Variants in CCDC85A observed in about 807,000 individuals in gnomAD.
CCDC85A encodes the protein coiled-coil domain containing 85A.
CCDC85A carries 38 observed loss-of-function variants against 50.2 expected under a neutral mutation model. That is an observed-to-expected ratio of 0.76 (90% CI 0.58 to 0.99). The LOEUF is 0.99. CCDC85A is among the 50% of genes least tolerant of loss of function. The probability of loss-of-function intolerance (pLI) is 0.00; values close to 1 mark genes in which losing one functional copy is unlikely to be tolerated. For missense variants in CCDC85A, 820 were observed against 742.0 expected, an observed-to-expected ratio of 1.11 and a Z score of -1.22; for synonymous variants, 366 against 301.4, an observed-to-expected ratio of 1.21 and a Z score of -2.22.
intron 2 of CCDC85A, among the ~76,000 whole-genome samples, chr2:56,209,026 G>A (rs1000004028): frequency 6.6e-6 from 1 of 152,070 alleles, no homozygotes. Context: ...AAAAGGAAAG[G>A]AAGAAATCTT....
At chr2:56,274,087 C>G (rs541542484) in intron 2 of CCDC85A, among the ~76,000 whole-genome samples, 1 of 152,226 alleles carries the variant, frequency 6.6e-6, no homozygotes, top group African/African-American at 2.4e-5. Flanking sequence ...AATAGCTATG[C>G]TGTACTAGTG....
chr2:56,282,508 T>G (rs1671249293), intron 2 of CCDC85A, among the ~76,000 whole-genome samples: 1 of 152,128 alleles, frequency 6.6e-6, no homozygotes, highest in African/African-American at 2.4e-5. Flanking sequence ...GACTTTTCAT[T>G]TATTTATTTA....
intron 2 of CCDC85A, among the ~76,000 whole-genome samples, chr2:56,317,249 C>T (rs6545569): frequency 0.036 from 5,513 of 152,110 alleles, 331 homozygotes; most frequent in African/African-American, 0.12. Flanking sequence ...GATTTCCTTC[C>T]TATCAATTTA....
intron 2 of CCDC85A, among the ~76,000 whole-genome samples, chr2:56,229,725 T>C (rs1668699699): frequency 6.6e-6 from 1 of 152,180 alleles, no homozygotes; most frequent in South Asian, 2.1e-4. Context: ...CGGATCTATA[T>C]GTCTAGATGT....
chr2:56,255,703 A>G (rs1669954622), intron 2 of CCDC85A, among the ~76,000 whole-genome samples: 1 of 152,080 alleles, frequency 6.6e-6, no homozygotes, highest in Non-Finnish European at 1.5e-5. Context: ...TAGGAAGGAG[A>G]AAGAAATGAT....
At chr2:56,204,010 A>C (rs1676854559) in intron 2 of CCDC85A, among the ~76,000 whole-genome samples, 1 of 152,066 alleles carries the variant, frequency 6.6e-6, no homozygotes. Context: ...TACACCATCA[A>C]CCTCTGTGGG....
At position 56,184,436 on chromosome 2, in the gene CCDC85A, G is replaced by C. The variant is rs1675901854; in HGVS notation, c.-189G>C. The C allele has an allele frequency of 1.7e-6, 1 of 594,256 alleles. No individual in the cohort carries two copies. Among genetic ancestry groups the C allele is most frequent in the African/African-American group, 2.0e-5 (1 of 51,096 alleles). The allele number at this position is 594,256 out of a possible 1,614,324, so 36.8% of individuals were successfully genotyped here. On this transcript the variant is annotated 5_prime_UTR_variant, in exon 1 of 6. Transcript: ENST00000407595. Reference sequence around the variant, plus strand: ...GGGCCCTGGGGGAGCGCGGGCGCGCGCGCGGGGATGGCGAGGTAGGATGGC... The same window carrying C: ...GGGCCCTGGGGGAGCGCGGGCGCGCCCGCGGGGATGGCGAGGTAGGATGGC...
intron 2 of CCDC85A, among the ~76,000 whole-genome samples, 190 bp downstream of exon 2, chr2:56,193,630 A>C (rs1027576344): frequency 1.3e-5 from 2 of 152,184 alleles, no homozygotes; most frequent in Admixed American, 1.3e-4. Context: ...TATTCTAAAC[A>C]GTTATCAGTC....
rs1675896215 is a variant in CCDC85A, at chr2:56,184,349, C to A, written c.-276C>A. ...GCGGCAGCCCCGGGCTCCCCAGTGCCCCTCACCATGGACTTGCGCGGAGTT... is the reference window on the plus strand; with the variant it reads ...GCGGCAGCCCCGGGCTCCCCAGTGCACCTCACCATGGACTTGCGCGGAGTT... On this transcript the variant is annotated 5_prime_UTR_variant, in exon 1 of 6. Transcript: ENST00000407595. The A allele has an allele frequency of 2.0e-6, 1 of 497,240 alleles. No homozygotes were observed. Among genetic ancestry groups the A allele is most frequent in the Non-Finnish European group, 2.9e-6 (1 of 343,924 alleles). The allele number at this position is 497,240 out of a possible 1,614,324, so 30.8% of individuals were successfully genotyped here.
At chr2:56,360,745 T>A (rs986412362) in intron 3 of CCDC85A, among the ~76,000 whole-genome samples, 1 of 152,200 alleles carries the variant, frequency 6.6e-6, no homozygotes, top group Non-Finnish European at 1.5e-5. Context: ...AAAGTTTGTA[T>A]GGAGAGATGA....
chr2:56,211,410 T>C (rs938831381), intron 2 of CCDC85A, among the ~76,000 whole-genome samples: 1 of 152,068 alleles, frequency 6.6e-6, no homozygotes, highest in African/African-American at 2.4e-5. Flanking sequence ...TCCTGCATTT[T>C]TTTATTCTGG....
chr2:56,235,858 G>A (rs1409188856), intron 2 of CCDC85A, among the ~76,000 whole-genome samples: 4 of 152,154 alleles, frequency 2.6e-5, no homozygotes, highest in Non-Finnish European at 5.9e-5. Context: ...TTCTGGCTAA[G>A]GAAAGCTGGA....
chr2:56,302,610 A>G (rs2104195227), intron 2 of CCDC85A, among the ~76,000 whole-genome samples: 1 of 152,318 alleles, frequency 6.6e-6, no homozygotes, highest in Non-Finnish European at 1.5e-5. Context: ...TTTGTTTAGC[A>G]CAAGAGATAT....
intron 5 of CCDC85A, among the ~76,000 whole-genome samples, chr2:56,382,323 C>G (rs545033378): frequency 7.9e-5 from 12 of 152,016 alleles, no homozygotes; most frequent in African/African-American, 2.6e-4. Context: ...TCAGATAGAA[C>G]TTGGGACCAC....
intron 1 of CCDC85A, among the ~76,000 whole-genome samples, chr2:56,187,808 C>A (rs1304922698): frequency 6.6e-6 from 1 of 152,130 alleles, no homozygotes; most frequent in African/African-American, 2.4e-5. Flanking sequence ...GAACTGGATT[C>A]CTGAGAACCA....
chr2:56,373,962 A>C (rs1337795733), intron 4 of CCDC85A, among the ~76,000 whole-genome samples: 1 of 152,196 alleles, frequency 6.6e-6, no homozygotes, highest in Non-Finnish European at 1.5e-5. Flanking sequence ...AGGGTGGGTG[A>C]AGGGTGTGTC....
chr2:56,251,413 G>A (rs1330608199), intron 2 of CCDC85A, among the ~76,000 whole-genome samples: 1 of 152,192 alleles, frequency 6.6e-6, no homozygotes, highest in Non-Finnish European at 1.5e-5. Context: ...TTTTCCTCTG[G>A]GAATAGTGGC....
chr2:56,214,927 T>G (rs1194165873), intron 2 of CCDC85A, among the ~76,000 whole-genome samples: 1 of 151,938 alleles, frequency 6.6e-6, no homozygotes, highest in Non-Finnish European at 1.5e-5. Context: ...GGGATTTTGG[T>G]TGGAATTCCA....
rs547098369 is a variant in CCDC85A at position 56,313,802 on chromosome 2, G to A, written c.1241-29077G>A. 3.3e-5 allele frequency among the ~76,000 whole-genome samples: 5 copies of A among 149,394 alleles called. No homozygotes were observed. In the East Asian group the frequency reaches 9.7e-4, roughly 29 times the overall value. On this transcript the variant is annotated intron_variant, in intron 2 of 5. Coordinates refer to ENST00000407595, the MANE Select transcript of CCDC85A (RefSeq NM_001080433.2). ...TCAGTGGGCAGCAGAAGGAACAGGG[G>A]TGGGACAGGAGTACCAGGTACTCAC... is the stretch of plus-strand genomic sequence containing the variant.
Sources: allele counts gnomAD v4.1 joint callset (sites outside exome capture counted in the v4.1 genomes callset), GRCh38; gene constraint gnomAD v4.1.1; transcripts MANE v1.5; gene names NCBI Gene and HGNC (gene_info 2026-07-23, HGNC 2026-07-21).